The following PARD3B variants were observed in gnomAD, a reference collection of about 807,000 sequenced individuals.
PARD3B encodes partitioning defective 3 homolog B.
PARD3B carries 103 observed loss-of-function variants against 130.2 expected under a neutral mutation model. The ratio of observed to expected loss-of-function variants is 0.79; its 90% CI spans 0.67 to 0.93. The LOEUF (loss-of-function observed/expected upper bound fraction) is 0.93. Among genes scored for constraint, PARD3B ranks in the 40% least tolerant of loss-of-function variants. PARD3B has a pLI of 0.00. For synonymous variants in PARD3B, 583 were observed against 553.2 expected (o/e 1.05, Z -0.76); for missense variants, 1,609 against 1,499.2 (o/e 1.07, Z -1.21).
intron 22 of PARD3B, among the ~76,000 whole-genome samples, chr2:205,559,176 T>C (rs1363402096): frequency 6.6e-6 from 1 of 152,184 alleles, no homozygotes; most frequent in Non-Finnish European, 1.5e-5. Flanking sequence ...TGGTCTGATC[T>C]CATCTGTTGC....
At chr2:205,064,891 T>G (rs1340144866) in intron 4 of PARD3B, among the ~76,000 whole-genome samples, 2 of 152,162 alleles carry the variant, frequency 1.3e-5, no homozygotes, top group African/African-American at 4.8e-5. Flanking sequence ...AAAGCACTGT[T>G]TCTCAAAGAG....
intron 4 of PARD3B, among the ~76,000 whole-genome samples, chr2:205,088,488 A>G (rs1331573402): frequency 6.6e-6 from 1 of 152,158 alleles, no homozygotes; most frequent in African/African-American, 2.4e-5. Context: ...ATAATGGGAA[A>G]GAAAACCAAG....
In PARD3B at chr2:205,572,155, ATTC is replaced by A. The variant is rs2053581380; in HGVS notation, c.3260+18756_3260+18758del. Among the ~76,000 whole-genome samples, 1 of 152,252 alleles carries A rather than the reference ATTC, an allele frequency of 6.6e-6. No individual in the cohort carries two copies. Among genetic ancestry groups the A allele is most frequent in the Non-Finnish European group, 1.5e-5 (1 of 68,052 alleles). ...ACTATATAGCCAGCACTGAGGAAGT[ATTC>A]TTCCATAAAACACAGTTCTTATCTC... On this transcript the variant is annotated intron_variant, in intron 22 of 22. Transcript: ENST00000406610. This position sits in a 1 kb window ranked among gnomAD's most constrained non-coding sequence, Gnocchi z 4.2.
chr2:205,553,452 C>A lies in PARD3B; in HGVS notation c.3260+49C>A. 5 of 1,553,530 alleles carry A rather than the reference C, an allele frequency of 3.2e-6. No individual in the cohort carries two copies. The South Asian group carries it at 5.6e-5, about 17-fold the overall frequency. ...TCTCCAGCTCACCTACAAATGAAGT[C>A]TTTAGAGAAGTCTACATGAAATAGA... On this transcript the variant is annotated intron_variant, in intron 22 of 22. Coordinates refer to ENST00000406610, the MANE Select transcript of PARD3B (RefSeq NM_001302769.2).
intron 2 of PARD3B, among the ~76,000 whole-genome samples, chr2:204,800,405 GT>G (rs2125498478): frequency 6.6e-6 from 1 of 152,214 alleles, no homozygotes; most frequent in Non-Finnish European, 1.5e-5. Context: ...GCAAATTTAA[GT>G]TAGTGGCCTC....
chr2:205,177,575 T>C (rs1052105552), intron 13 of PARD3B, among the ~76,000 whole-genome samples: 3 of 152,330 alleles, frequency 2.0e-5, no homozygotes, highest in Admixed American at 1.3e-4. Flanking sequence ...TTAAGTGTTA[T>C]CATAATTTAA....
chr2:205,190,814 A>T (rs1188689766), intron 14 of PARD3B, among the ~76,000 whole-genome samples: 1 of 152,200 alleles, frequency 6.6e-6, no homozygotes, highest in Non-Finnish European at 1.5e-5. Flanking sequence ...CGAATAACAC[A>T]TTTAAAGGCA....
At chr2:204,911,359 C>T (rs746089353) in intron 2 of PARD3B, among the ~76,000 whole-genome samples, 9 of 152,178 alleles carry the variant, frequency 5.9e-5, no homozygotes, top group Non-Finnish European at 1.3e-4. Context: ...CATCAACGTA[C>T]TTGGCCTTAA....
intron 19 of PARD3B, among the ~76,000 whole-genome samples, chr2:205,419,279 C>G (rs1001395320): frequency 2.6e-5 from 4 of 151,918 alleles, no homozygotes; most frequent in Non-Finnish European, 5.9e-5. Flanking sequence ...CACAAGTTCT[C>G]TCTCTTTGCT....
chr2:205,535,596 T>C (rs1264721741), intron 21 of PARD3B, among the ~76,000 whole-genome samples: 1 of 152,240 alleles, frequency 6.6e-6, no homozygotes, highest in Non-Finnish European at 1.5e-5. Context: ...GTAATGGGTC[T>C]CTTTAAATCA....
At chr2:204,945,852 C>T (rs1046931377) in intron 2 of PARD3B, among the ~76,000 whole-genome samples, 6 of 152,136 alleles carry the variant, frequency 3.9e-5, no homozygotes, top group African/African-American at 1.4e-4. Context: ...TCCTGTTAAC[C>T]TCCAGAGACC....
chr2:204,812,330 A>G (rs938682048), intron 2 of PARD3B, among the ~76,000 whole-genome samples: 1 of 152,180 alleles, frequency 6.6e-6, no homozygotes, highest in East Asian at 1.9e-4. Context: ...GAAAGAATTC[A>G]TCACAGGGGC....
chr2:205,526,695 A>G (rs2051353038), intron 21 of PARD3B, among the ~76,000 whole-genome samples: 1 of 152,098 alleles, frequency 6.6e-6, no homozygotes, highest in African/African-American at 2.4e-5. Flanking sequence ...ATTAATTGAC[A>G]TGAAAAAAAA....
At chr2:205,042,315 C>T (rs1174758778) in intron 3 of PARD3B, among the ~76,000 whole-genome samples, 1 of 152,144 alleles carries the variant, frequency 6.6e-6, no homozygotes, top group African/African-American at 2.4e-5. Context: ...TTCACTTTCT[C>T]CTATGAGGAC....
At chr2:204,877,828 A>G (rs1480731769) in intron 2 of PARD3B, among the ~76,000 whole-genome samples, 6 of 152,226 alleles carry the variant, frequency 3.9e-5, no homozygotes, top group Non-Finnish European at 7.3e-5. Context: ...CAGTTTGGCA[A>G]TACCAGTTAG....
rs376627129 is a variant in PARD3B, at chr2:204,811,466, C to T, written c.222+125184C>T. 2.5e-3 allele frequency among the ~76,000 whole-genome samples: 375 copies of T among 152,202 alleles called. 1 individual carries two copies. Among genetic ancestry groups the T allele is most frequent in the Middle Eastern group, 0.014 (4 of 292 alleles). ...CACAGAGTTTGGGGCAAGTGAAAGA[C>T]ATAGAAGTTGACATGACTTGTAGAT... On this transcript the variant is annotated intron_variant, in intron 2 of 22. Coordinates refer to ENST00000406610, the MANE Select transcript of PARD3B (RefSeq NM_001302769.2).
chr2:205,591,580 C>T lies in PARD3B; in HGVS notation c.3261-23876C>T, dbSNP rs2054387789. On this transcript the variant is annotated intron_variant, in intron 22 of 22. Coordinates refer to ENST00000406610, the MANE Select transcript of PARD3B (RefSeq NM_001302769.2). The surrounding 1 kb of genome is among the most constrained non-coding windows in gnomAD (Gnocchi z 4.2). ...ACAGAGGAAGAAACAGACTGTCTTA[C>T]AGAGGAAACATTCGTTCATTGGAAA... Among the ~76,000 whole-genome samples, 1 of 152,164 alleles carries T rather than the reference C, an allele frequency of 6.6e-6. No homozygotes were observed. The highest frequency in any genetic ancestry group is 1.5e-5 in the Non-Finnish European group (1 of 68,030).
chr2:205,220,080 G>A (rs958072323), intron 15 of PARD3B, among the ~76,000 whole-genome samples: 1 of 152,054 alleles, frequency 6.6e-6, no homozygotes, highest in Non-Finnish European at 1.5e-5. Context: ...CTGTATTTGG[G>A]TTCAAAAAAG....
At chr2:205,390,725 A>T (rs1191085063) in intron 18 of PARD3B, among the ~76,000 whole-genome samples, 4 of 138,992 alleles carry the variant, frequency 2.9e-5, no homozygotes, top group African/African-American at 9.3e-5. Context: ...AGGTAATTAT[A>T]AAAAAAAAAA....
Sources: gnomAD v4.1 joint callset for allele counts (sites outside exome capture counted in the v4.1 genomes callset) on GRCh38, gnomAD v4.1.1 for gene constraint, Gnocchi (gnomAD v3.1) non-coding constraint, MANE v1.5 for transcripts, NCBI Gene and HGNC (gene_info 2026-07-23, HGNC 2026-07-21) for gene names.